IAPP: variants seen among roughly 807,000 people sequenced by gnomAD.
IAPP encodes islet amyloid polypeptide, also known as Islet amyloid polypeptide (diabetes-associated peptide; amylin).
A neutral mutation model predicts 2.9 loss-of-function variants in IAPP; 4 were observed. That is an observed-to-expected ratio of 1.39 (90% CI 0.69 to 3.19). IAPP has a LOEUF of 3.19. Among genes scored for constraint, IAPP ranks in the 30% most tolerant of loss-of-function variants. IAPP has a pLI of 0.01. For missense variants in IAPP, 114 were observed against 105.3 expected (o/e 1.08, Z -0.36); for synonymous variants, 40 against 42.1 (o/e 0.95, Z 0.19).
chr12:21,379,569 G>T lies in IAPP; in HGVS notation c.*1143G>T, dbSNP rs1411043460. The T allele has an allele frequency of 6.6e-6, 1 of 152,030 alleles. No individual in the cohort carries two copies. The highest frequency in any genetic ancestry group is 1.9e-4 in the East Asian group (1 of 5,180). The allele number at this position is 152,030 out of a possible 1,614,324, so 9.4% of individuals were successfully genotyped here. Reference sequence around the variant, plus strand: ...GTTATGTATATGATACACTTTTTTTGATAGCAGCTGCAATGTTGGACAGAA... The same window carrying T: ...GTTATGTATATGATACACTTTTTTTTATAGCAGCTGCAATGTTGGACAGAA... On this transcript the variant is annotated 3_prime_UTR_variant, in exon 3 of 3. Transcript: ENST00000240652.
intron 1 of IAPP, among the ~76,000 whole-genome samples, chr12:21,361,234 G>A (rs1432943441): frequency 6.6e-6 from 1 of 152,172 alleles, no homozygotes; most frequent in Non-Finnish European, 1.5e-5. Context: ...TGCAATATTA[G>A]CTGTTCTTCA....
intron 1 of IAPP, among the ~76,000 whole-genome samples, chr12:21,355,554 G>A (rs1938301078): frequency 6.6e-6 from 1 of 152,182 alleles, no homozygotes; most frequent in African/African-American, 2.4e-5. Context: ...GGGAGCTGAT[G>A]TGAGTTTCCT....
chr12:21,358,535 T>C (rs1328568260), intron 1 of IAPP, among the ~76,000 whole-genome samples: 1 of 151,980 alleles, frequency 6.6e-6, no homozygotes, highest in Non-Finnish European at 1.5e-5. Context: ...ATATTTTTGT[T>C]TTATTTTATT....
chr12:21,356,185 T>G (rs1938350367), intron 1 of IAPP, among the ~76,000 whole-genome samples: 1 of 152,032 alleles, frequency 6.6e-6, no homozygotes, highest in African/African-American at 2.4e-5. Flanking sequence ...TCACCATATA[T>G]TTTTAAATGA....
intron 1 of IAPP, among the ~76,000 whole-genome samples, chr12:21,358,687 G>C (rs898863599): frequency 4.0e-5 from 6 of 151,700 alleles, no homozygotes; most frequent in Non-Finnish European, 8.8e-5. Flanking sequence ...ATGAAAAGAA[G>C]TCTACAAACA....
At chr12:21,364,927 C>T (rs944776151) in intron 1 of IAPP, among the ~76,000 whole-genome samples, 49 of 152,160 alleles carry the variant, frequency 3.2e-4, no homozygotes, top group African/African-American at 8.7e-4. Context: ...ACATTTCATG[C>T]TCGTGGATAG....
chr12:21,358,387 C>CA (rs1938541987), intron 1 of IAPP, among the ~76,000 whole-genome samples: 1 of 152,006 alleles, frequency 6.6e-6, no homozygotes, highest in African/African-American at 2.4e-5. Flanking sequence ...TTTTCCTCTC[C>CA]AAAAAATGTT....
upstream of IAPP, among the ~76,000 whole-genome samples, chr12:21,368,253 T>G (rs1939533590): frequency 6.6e-6 from 1 of 151,942 alleles, no homozygotes; most frequent in Non-Finnish European, 1.5e-5. Flanking sequence ...AAACTACAAG[T>G]ATAGAGGAAA....
chr12:21,376,976 G>C (rs868681180), intron 2 of IAPP, among the ~76,000 whole-genome samples: 2 of 151,986 alleles, frequency 1.3e-5, no homozygotes, highest in African/African-American at 4.8e-5. Context: ...ATCCATTTCC[G>C]ATATCGTTTT....
chr12:21,378,071 C>A (rs1435505627), intron 2 of IAPP, among the ~76,000 whole-genome samples, 166 bp from the exon 3 acceptor site: 1 of 150,966 alleles, frequency 6.6e-6, no homozygotes, highest in African/African-American at 2.4e-5. Context: ...TTCAAGGTGT[C>A]AAAAAAAAAT....
chr12:21,366,814 T>G (rs1370285720), intron 1 of IAPP, among the ~76,000 whole-genome samples: 2 of 151,824 alleles, frequency 1.3e-5, no homozygotes, highest in African/African-American at 4.8e-5. Context: ...GTTGGTAGAT[T>G]AGGAAACTTC....
chr12:21,356,795 A>G (rs942391299), intron 1 of IAPP, among the ~76,000 whole-genome samples: 1 of 152,162 alleles, frequency 6.6e-6, no homozygotes, highest in Non-Finnish European at 1.5e-5. Context: ...AAAAAGTATA[A>G]AGAAGGATTT....
chr12:21,373,383 T>C lies in IAPP; in HGVS notation c.32T>C (p.Ile11Thr), dbSNP rs925033934. The C allele has an allele frequency of 4.3e-6, 7 of 1,613,644 alleles. No homozygotes were observed. The highest frequency in any genetic ancestry group is 5.9e-6 in the Non-Finnish European group (7 of 1,179,650). MGILKLQVFL[I>T]VLSVALNHLK... The stretch of plus-strand genomic sequence containing the variant: ...ATCCTGAAGCTGCAAGTATTTCTCA[T>C]TGTGCTCTCTGTTGCATTGAACCAT... Residue 11 changes from isoleucine (I) to threonine (T), a missense_variant, in exon 2 of 3, where the codon ATT becomes ACT. Physicochemically the swap from Ile to Thr is moderately conservative, Grantham distance 89. Coordinates refer to ENST00000240652, the MANE Select transcript of IAPP (RefSeq NM_000415.3).
intron 1 of IAPP, among the ~76,000 whole-genome samples, chr12:21,358,581 A>G (rs1253704468): frequency 6.6e-6 from 1 of 152,138 alleles, no homozygotes; most frequent in African/African-American, 2.4e-5. Context: ...ATCATCATAT[A>G]TAGATAATTT....
At chr12:21,356,876 T>C (rs1938408858) in intron 1 of IAPP, among the ~76,000 whole-genome samples, 1 of 152,136 alleles carries the variant, frequency 6.6e-6, no homozygotes, top group African/African-American at 2.4e-5. Flanking sequence ...AACTTTTGTA[T>C]CTTAAACAGA....
chr12:21,373,186 A>ATC, intron 1 of IAPP, 151 bp from the exon 2 acceptor site: 1 of 623,680 alleles, frequency 1.6e-6, no homozygotes, highest in African/African-American at 1.8e-5. Context: ...AAAAGTGGAC[A>ATC]ATATTAAGGG....
chr12:21,376,469 C>A, intron 2 of IAPP: 1 of 178,874 alleles, frequency 5.6e-6, no homozygotes, highest in South Asian at 8.6e-5. Context: ...ATGGTACCTT[C>A]AAAAATAAAT....
chr12:21,373,562 T>G lies in IAPP; in HGVS notation c.80+131T>G, dbSNP rs1032048961. On this transcript the variant is annotated intron_variant, in intron 2 of 2. Transcript: ENST00000240652. ...TACTTAAGAACAGTACCTTCAGCTA[T>G]TCCATTGTTCCTTGAATTCTGTGTT... The G allele has an allele frequency of 4.2e-6, 3 of 720,098 alleles. No individual in the cohort carries two copies. In the South Asian group the frequency reaches 4.4e-5, roughly 11 times the overall value. The allele number at this position is 720,098 out of a possible 1,614,324, so 44.6% of individuals were successfully genotyped here. A position where few individuals can be genotyped will look rare whatever the true frequency, so the allele number is the denominator to read the frequency against.
In IAPP at chr12:21,378,456, T is replaced by C; in HGVS notation, c.*30T>C. ...CAATGTAACTCTATAGTTATTGTTT[T>C]ATGTTCTAGTGATTTCCTGTATAAT... On this transcript the variant is annotated 3_prime_UTR_variant, in exon 3 of 3. Transcript: ENST00000240652. 6.5e-7 allele frequency: 1 copy of C among 1,548,688 alleles called. No individual in the cohort carries two copies. The highest frequency in any genetic ancestry group is 8.9e-7 in the Non-Finnish European group (1 of 1,120,224).
Sources: allele counts gnomAD v4.1 joint callset (sites outside exome capture counted in the v4.1 genomes callset), GRCh38; gene constraint gnomAD v4.1.1; transcripts MANE v1.5; gene names NCBI Gene and HGNC (gene_info 2026-07-23, HGNC 2026-07-21).